FRMPD2: variants seen among roughly 807,000 people sequenced by gnomAD.
FRMPD2 encodes the protein FERM and PDZ domain containing 2.
FRMPD2 carries 96 observed loss-of-function variants against 140.1 expected under a neutral mutation model. That is an observed-to-expected ratio of 0.69 (90% CI 0.58 to 0.81). FRMPD2 has a LOEUF of 0.81. FRMPD2 is among the 40% of genes least tolerant of loss of function. The pLI, the probability that FRMPD2 is intolerant of heterozygous loss-of-function variation, is 0.00. For synonymous variants in FRMPD2, 449 were observed against 547.6 expected (o/e 0.82, Z 2.52); for missense variants, 1,240 against 1,447.4 (o/e 0.86, Z 2.32).
At chr10:48,188,117 T>A (rs966547858) in intron 16 of FRMPD2, among the ~76,000 whole-genome samples, 43 of 152,126 alleles carry the variant, frequency 2.8e-4, no homozygotes, top group African/African-American at 1.0e-3. Context: ...CAGCCAAACA[T>A]CTGAGCAGAT....
At chr10:48,190,815 C>G (rs954773505) in intron 16 of FRMPD2, among the ~76,000 whole-genome samples, 1 of 152,198 alleles carries the variant, frequency 6.6e-6, no homozygotes. Context: ...CACTGAAAAG[C>G]CCCTACTGTG....
At chr10:48,219,548 C>A (rs1372759174) in intron 12 of FRMPD2, among the ~76,000 whole-genome samples, 3 of 152,204 alleles carry the variant, frequency 2.0e-5, no homozygotes, top group African/African-American at 7.2e-5. Context: ...AAGCCTTTCC[C>A]TTCATCCAGA....
intron 1 of FRMPD2, among the ~76,000 whole-genome samples, chr10:48,267,953 G>A (rs1304293578): frequency 1.3e-5 from 2 of 152,220 alleles, no homozygotes; most frequent in Non-Finnish European, 2.9e-5. Context: ...CAAATCCATA[G>A]AGGCAGAAAG....
intron 27 of FRMPD2, among the ~76,000 whole-genome samples, chr10:48,167,631 A>C (rs1298959080): frequency 1.6e-5 from 2 of 128,840 alleles, no homozygotes; most frequent in African/African-American, 5.9e-5. Context: ...CCACGCTCAC[A>C]TCTCTGCTGC....
chr10:48,213,881 A>G (rs1305734452), intron 12 of FRMPD2, among the ~76,000 whole-genome samples: 3 of 152,246 alleles, frequency 2.0e-5, no homozygotes, highest in African/African-American at 7.2e-5. Flanking sequence ...AAGATACTTG[A>G]AAGTTGGTTA....
At chr10:48,226,684 T>C (rs1474830843) in intron 10 of FRMPD2, among the ~76,000 whole-genome samples, 2 of 152,210 alleles carry the variant, frequency 1.3e-5, no homozygotes, top group East Asian at 1.9e-4. Context: ...CAGAATACCA[T>C]ACAGACCTTG....
At chr10:48,245,671 C>A (rs1484496913) in intron 3 of FRMPD2, among the ~76,000 whole-genome samples, 2 of 152,176 alleles carry the variant, frequency 1.3e-5, no homozygotes, top group African/African-American at 4.8e-5. Flanking sequence ...TTATTTAGTC[C>A]TCACTGCAAT....
chr10:48,200,046 A>G (rs1839045591), intron 15 of FRMPD2, among the ~76,000 whole-genome samples: 1 of 152,150 alleles, frequency 6.6e-6, no homozygotes, highest in South Asian at 2.1e-4. Context: ...CCTGAGAAAC[A>G]AACCTTTGCT....
chr10:48,206,833 C>T lies in FRMPD2; in HGVS notation c.1712G>A (p.Gly571Asp), dbSNP rs199766787. The change falls in exon 14 of 29, where the codon GGT becomes GAT. Residue 571 changes from glycine to aspartate, a missense_variant. Gly to Asp is a moderately conservative substitution (Grantham distance 94). This residue lies in a region of FRMPD2 where 1,161 missense variants were observed against 1,055.9 expected (regional missense o/e 1.10). Coordinates refer to ENST00000374201, the MANE Select transcript of FRMPD2 (RefSeq NM_001018071.4). ...EEMALGICAK[G>D]VIVYEVKNNS... ...GTTTTTCACTTCATAGACTATGACA[C>T]CCTTGGCACAGATCCCCAGGGCCAT... is the stretch of plus-strand genomic sequence containing the variant. 90 of 1,613,980 alleles carry T rather than the reference C, an allele frequency of 5.6e-5. No homozygotes were observed. The highest frequency in any genetic ancestry group is 7.4e-5 in the Non-Finnish European group (87 of 1,179,962).
intron 10 of FRMPD2, 90 bp from the exon 11 acceptor site, chr10:48,223,360 TCA>T (rs1413830306): frequency 7.5e-7 from 1 of 1,338,860 alleles, no homozygotes; most frequent in African/African-American, 1.4e-5. Context: ...ACCCAGAGTG[TCA>T]CACACGAGCT....
At position 48,249,116 on chromosome 10, in the gene FRMPD2, A is replaced by G. The variant is rs1246654141; in HGVS notation, c.214T>C (p.Phe72Leu). 4.3e-6 allele frequency: 7 copies of G among 1,614,012 alleles called. No homozygotes were observed. Among genetic ancestry groups the G allele is most frequent in the Non-Finnish European group, 5.9e-6 (7 of 1,180,030 alleles). ...TCTATATGAGAAACACGGCCTTGGAAAGAAAGGCTTCCAGCTGCAGAAAGC... is the reference window on the plus strand; with the variant it reads ...TCTATATGAGAAACACGGCCTTGGAGAGAAAGGCTTCCAGCTGCAGAAAGC... ...ALLSAAGSLSFQGRVSHIEAA... is the reference protein window; with the variant it reads ...ALLSAAGSLSLQGRVSHIEAA... The change falls in exon 3 of 29, where the codon TTC becomes CTC. Residue 72 changes from phenylalanine to leucine, a missense_variant. Transcript: ENST00000374201.
intron 8 of FRMPD2, among the ~76,000 whole-genome samples, chr10:48,237,398 G>C (rs1242884088): frequency 6.6e-6 from 1 of 152,166 alleles, no homozygotes; most frequent in African/African-American, 2.4e-5. Flanking sequence ...GGCCAGAGAA[G>C]GGCCAAGGAG....
chr10:48,269,246 C>T (rs1186274559), intron 1 of FRMPD2, among the ~76,000 whole-genome samples: 1 of 152,144 alleles, frequency 6.6e-6, no homozygotes, highest in Non-Finnish European at 1.5e-5. Context: ...CAGGCCCTCT[C>T]ATAACACCCA....
At chr10:48,191,509 CT>C (rs1564420252) in intron 16 of FRMPD2, among the ~76,000 whole-genome samples, 1 of 152,170 alleles carries the variant, frequency 6.6e-6, no homozygotes, top group African/African-American at 2.4e-5. Context: ...ACCGTTTTGC[CT>C]TACCACTGTT....
intron 2 of FRMPD2, among the ~76,000 whole-genome samples, chr10:48,249,971 G>T (rs1460128496): frequency 6.6e-6 from 1 of 152,184 alleles, no homozygotes; most frequent in Non-Finnish European, 1.5e-5. Context: ...GTTAGTGCAA[G>T]TGTGAGGCCA....
Position 48,239,622 on chromosome 10 carries a change from G to T in FRMPD2, c.771C>A (p.Cys257Ter). The change falls in exon 7 of 29, where the codon TGC becomes TGA. Residue 257 changes from cysteine (C) to a stop codon, truncating the protein, a stop_gained. Transcript: ENST00000374201. LOFTEE classifies it high-confidence loss of function. The stretch of plus-strand genomic sequence containing the variant: ...CTGCTTACCGGTTAACAAGGAGGCT[G>T]CAGTGACTGTGTGTCAAGGTGCTCC... The part of the protein sequence containing the change: ...PHWSTLTHSH[C>*]SLLVNRALPG... 6.2e-7 allele frequency: 1 copy of T among 1,613,972 alleles called. No homozygotes were observed. The highest frequency in any genetic ancestry group is 8.5e-7 in the Non-Finnish European group (1 of 1,179,848).
intron 10 of FRMPD2, among the ~76,000 whole-genome samples, chr10:48,224,644 A>G (rs1037606034): frequency 6.6e-6 from 1 of 152,184 alleles, no homozygotes; most frequent in Non-Finnish European, 1.5e-5. Context: ...ATCCCTCCCA[A>G]GTTGGTCTAT....
chr10:48,244,143 C>T (rs1344469032), intron 4 of FRMPD2, among the ~76,000 whole-genome samples: 1 of 152,108 alleles, frequency 6.6e-6, no homozygotes, highest in Admixed American at 6.5e-5. Context: ...CACCACCACA[C>T]CCAGCTAATT....
rs1199525806 is a variant in FRMPD2 at position 48,220,386 on chromosome 10, C to G, written c.1455+1927G>C. ...GTGCTGGGATAATTGGCTAGCCACACACAGAAGAATGAAACTGGATCCTCA... is the reference window on the plus strand; with the variant it reads ...GTGCTGGGATAATTGGCTAGCCACAGACAGAAGAATGAAACTGGATCCTCA... On this transcript the variant is annotated intron_variant, in intron 12 of 28. Transcript: ENST00000374201. Among the ~76,000 whole-genome samples, 4 of 152,098 alleles carry G rather than the reference C, an allele frequency of 2.6e-5. No individual in the cohort carries two copies. The South Asian group carries it at 6.2e-4, about 24-fold the overall frequency.
Sources: allele counts gnomAD v4.1 joint callset (sites outside exome capture counted in the v4.1 genomes callset), GRCh38; gene constraint gnomAD v4.1.1; regional missense constraint gnomAD v4.1.1; transcripts MANE v1.5; gene names NCBI Gene and HGNC (gene_info 2026-07-23, HGNC 2026-07-21).